HHAT: variants seen among roughly 807,000 people sequenced by gnomAD.
HHAT encodes protein-cysteine N-palmitoyltransferase HHAT.
In HHAT, 47 loss-of-function variants were observed where a neutral mutation model predicts 70.8. The observed-to-expected ratio is 0.66, with a 90% CI of 0.53 to 0.85. The LOEUF (loss-of-function observed/expected upper bound fraction) is 0.85. Among genes scored for constraint, HHAT ranks in the 40% least tolerant of loss-of-function variants. HHAT has a pLI of 0.00. For missense variants in HHAT, 609 were observed against 604.8 expected (o/e 1.01, Z -0.07); for synonymous variants, 228 against 247.6 (o/e 0.92, Z 0.74).
At chr1:210,617,087 A>G (rs1011819152) in intron 10 of HHAT, among the ~76,000 whole-genome samples, 2 of 152,260 alleles carry the variant, frequency 1.3e-5, no homozygotes, top group Non-Finnish European at 2.9e-5. Context: ...CCTAAACCTA[A>G]GTTGGGCTGG....
chr1:210,423,665 T>C (rs2092971225), intron 7 of HHAT, among the ~76,000 whole-genome samples: 1 of 152,194 alleles, frequency 6.6e-6, no homozygotes, highest in Admixed American at 6.5e-5. Flanking sequence ...TAATGCTTTC[T>C]TCTAGTATTT....
intron 9 of HHAT, among the ~76,000 whole-genome samples, chr1:210,586,040 G>A (rs1203302465): frequency 2.6e-5 from 4 of 152,146 alleles, no homozygotes; most frequent in African/African-American, 9.7e-5. Flanking sequence ...CTTGACTAAA[G>A]TTTAGTCAAG....
intron 1 of HHAT, chr1:210,329,468 C>T: frequency 2.9e-6 from 3 of 1,038,980 alleles, no homozygotes; most frequent in Non-Finnish European, 3.5e-6. Context: ...CCTGCTGTGA[C>T]TCCAGGGACT....
At chr1:210,472,196 C>T (rs532455282) in intron 8 of HHAT, among the ~76,000 whole-genome samples, 3 of 152,340 alleles carry the variant, frequency 2.0e-5, no homozygotes, top group African/African-American at 7.2e-5. Context: ...AAAAAATCCT[C>T]CCACACGGCT....
chr1:210,664,046 A>G (rs555869410), intron 11 of HHAT, among the ~76,000 whole-genome samples: 3 of 152,310 alleles, frequency 2.0e-5, no homozygotes, highest in African/African-American at 7.2e-5. Flanking sequence ...TAAGGTAGCA[A>G]AAGCCTGTTC....
chr1:210,506,912 T>G (rs1236945009), intron 8 of HHAT, among the ~76,000 whole-genome samples: 1 of 152,206 alleles, frequency 6.6e-6, no homozygotes, highest in Non-Finnish European at 1.5e-5. Context: ...AGAGAATGAT[T>G]GATTAGTTAT....
intron 3 of HHAT, among the ~76,000 whole-genome samples, chr1:210,368,441 G>A (rs1203208143): frequency 6.6e-6 from 1 of 152,106 alleles, no homozygotes; most frequent in Non-Finnish European, 1.5e-5. Flanking sequence ...GCAGGCGTGT[G>A]CCACCACACT....
At chr1:210,392,505 G>A (rs1357532689) in intron 4 of HHAT, among the ~76,000 whole-genome samples, 1 of 151,944 alleles carries the variant, frequency 6.6e-6, no homozygotes, top group African/African-American at 2.4e-5. Context: ...TTCATGTACT[G>A]TGCGTATGTC....
At chr1:210,429,434 C>T (rs1390593000) in intron 7 of HHAT, among the ~76,000 whole-genome samples, 2 of 151,688 alleles carry the variant, frequency 1.3e-5, no homozygotes, top group African/African-American at 4.9e-5. Flanking sequence ...AATGATATGA[C>T]TTTTTGAGGA....
At chr1:210,573,161 C>A (rs1361170927) in intron 9 of HHAT, among the ~76,000 whole-genome samples, 2 of 152,138 alleles carry the variant, frequency 1.3e-5, no homozygotes, top group Non-Finnish European at 2.9e-5. Context: ...TGTTCCGAGA[C>A]CTTTATAGAC....
intron 6 of HHAT, among the ~76,000 whole-genome samples, chr1:210,416,853 G>A (rs1429504168): frequency 6.6e-6 from 1 of 152,168 alleles, no homozygotes; most frequent in African/African-American, 2.4e-5. Context: ...CTTCTTGTAT[G>A]CCTAAGTACT....
At chr1:210,548,372 C>G (rs1266004577) in intron 9 of HHAT, among the ~76,000 whole-genome samples, 2 of 152,114 alleles carry the variant, frequency 1.3e-5, no homozygotes, top group Admixed American at 1.3e-4. Flanking sequence ...ATGTTGTATC[C>G]CCAGAGTCTA....
At chr1:210,517,485 A>G (rs1443044944) in intron 9 of HHAT, among the ~76,000 whole-genome samples, 1 of 152,132 alleles carries the variant, frequency 6.6e-6, no homozygotes, top group African/African-American at 2.4e-5. Context: ...ATGTGGTCTC[A>G]CTTATATGTG....
chr1:210,342,979 G>A (rs2086165778), intron 1 of HHAT, among the ~76,000 whole-genome samples: 1 of 152,160 alleles, frequency 6.6e-6, no homozygotes, highest in South Asian at 2.1e-4. Flanking sequence ...AAGTGGGCGA[G>A]TGTTGAAGGC....
At chr1:210,380,048 C>T (rs2090513189) in intron 3 of HHAT, among the ~76,000 whole-genome samples, 1 of 152,232 alleles carries the variant, frequency 6.6e-6, no homozygotes, top group Non-Finnish European at 1.5e-5. Flanking sequence ...TCTCTTCTCC[C>T]TCTTTCCCAG....
intron 7 of HHAT, among the ~76,000 whole-genome samples, chr1:210,445,015 T>A (rs1448046958): frequency 6.6e-6 from 1 of 152,112 alleles, no homozygotes; most frequent in African/African-American, 2.4e-5. Context: ...AATTTTTGTA[T>A]TTTTAGTAGA....
At chr1:210,451,087 CA>C (rs36045825) in intron 7 of HHAT, among the ~76,000 whole-genome samples, 44,005 of 91,518 alleles carry the variant, frequency 0.48, 6,948 homozygotes, top group Admixed American at 0.56. Context: ...ACTCCATCTC[CA>C]AAAAAAAAAA....
chr1:210,427,382 T>A (rs2093096744), intron 7 of HHAT, among the ~76,000 whole-genome samples: 1 of 152,224 alleles, frequency 6.6e-6, no homozygotes, highest in Admixed American at 6.5e-5. Context: ...CTAGTTCTTT[T>A]ACTTTTGATG....
chr1:210,405,525 C>T (rs564082122), intron 6 of HHAT, among the ~76,000 whole-genome samples: 19 of 152,156 alleles, frequency 1.2e-4, no homozygotes, highest in Middle Eastern at 3.4e-3. Context: ...TGCATGCACA[C>T]GCAGAACACA....
Sources: gnomAD v4.1 joint callset for allele counts (sites outside exome capture counted in the v4.1 genomes callset) on GRCh38, gnomAD v4.1.1 for gene constraint, MANE v1.5 for transcripts, NCBI Gene and HGNC (gene_info 2026-07-23, HGNC 2026-07-21) for gene names.